FRZB: variants seen among roughly 807,000 people sequenced by gnomAD.
FRZB encodes the protein secreted frizzled-related protein 3.
A neutral mutation model predicts 32.5 loss-of-function variants in FRZB; 34 were observed. The observed-to-expected ratio is 1.05, with a 90% CI of 0.80 to 1.39. The LOEUF (loss-of-function observed/expected upper bound fraction) is 1.39. Among genes scored for constraint, FRZB ranks in the 40% most tolerant of loss-of-function variants. FRZB has a pLI of 0.00. For synonymous variants in FRZB, 170 were observed against 159.2 expected (o/e 1.07, Z -0.51); for missense variants, 423 against 424.8 (o/e 1.00, Z 0.04).
At chr2:182,836,976 A>T (rs978913979) in intron 5 of FRZB, among the ~76,000 whole-genome samples, 9 of 152,134 alleles carry the variant, frequency 5.9e-5, no homozygotes, top group African/African-American at 2.2e-4. Flanking sequence ...GATGTATAAG[A>T]TAAACCGCCC....
At chr2:182,862,773 CTT>C (rs10558108) in intron 1 of FRZB, among the ~76,000 whole-genome samples, 23,501 of 148,794 alleles carry the variant, frequency 0.16, 2,418 homozygotes, top group African/African-American at 0.3. Flanking sequence ...CTTTTCTTTT[CTT>C]TTTTTTTTTT....
intron 2 of FRZB, among the ~76,000 whole-genome samples, chr2:182,843,881 A>C (rs1286818941): frequency 6.6e-6 from 1 of 152,126 alleles, no homozygotes; most frequent in African/African-American, 2.4e-5. Flanking sequence ...CAGTGAGCCA[A>C]GCTCAAGCCA....
At chr2:182,847,401 A>C (rs1446282234) in intron 2 of FRZB, among the ~76,000 whole-genome samples, 1 of 152,174 alleles carries the variant, frequency 6.6e-6, no homozygotes, top group East Asian at 1.9e-4. Context: ...AGAGTGTGGA[A>C]TTGAAAAAGC....
At chr2:182,840,985 A>G (rs1695580007) in intron 3 of FRZB, among the ~76,000 whole-genome samples, 1 of 152,134 alleles carries the variant, frequency 6.6e-6, no homozygotes, top group Non-Finnish European at 1.5e-5. Flanking sequence ...TTAGTGTTAC[A>G]GTATATAAAA....
At chr2:182,858,225 G>A (rs1175075720) in intron 2 of FRZB, among the ~76,000 whole-genome samples, 3 of 152,166 alleles carry the variant, frequency 2.0e-5, no homozygotes, top group Non-Finnish European at 2.9e-5. Flanking sequence ...CTCTATTCGC[G>A]ATTGCTCCAA....
chr2:182,834,694 C>G lies in FRZB; in HGVS notation c.*155G>C. 1.5e-6 allele frequency: 1 copy of G among 648,808 alleles called. No individual in the cohort carries two copies. The highest frequency in any genetic ancestry group is 2.8e-6 in the Non-Finnish European group (1 of 357,284). 40.2% of individuals were successfully genotyped at this position (648,808 alleles called of 1,614,324 possible). On this transcript the variant is annotated 3_prime_UTR_variant, in exon 6 of 6. Coordinates refer to ENST00000295113, the MANE Select transcript of FRZB (RefSeq NM_001463.4). The stretch of plus-strand genomic sequence containing the variant: ...GGTTGAGAGAAGAGAGAAGCAGAAA[C>G]CAAAAGAGAAACAGAAGTAATAATC...
At chr2:182,844,126 TAGCAGC>T (rs1006892185) in intron 2 of FRZB, among the ~76,000 whole-genome samples, 25 of 152,212 alleles carry the variant, frequency 1.6e-4, no homozygotes, top group African/African-American at 5.8e-4. Context: ...TGGGGATAGG[TAGCAGC>T]AGCAACTGTT....
chr2:182,849,739 G>A (rs1031581656), intron 2 of FRZB, among the ~76,000 whole-genome samples: 24 of 152,246 alleles, frequency 1.6e-4, no homozygotes, highest in South Asian at 6.2e-4. Context: ...CAGAACTAAC[G>A]CTATATTAAT....
At chr2:182,856,191 T>A (rs938061013) in intron 2 of FRZB, among the ~76,000 whole-genome samples, 2 of 151,468 alleles carry the variant, frequency 1.3e-5, no homozygotes, top group Non-Finnish European at 2.9e-5. Flanking sequence ...AGAGAAAGAA[T>A]ACCAGAAGGA....
At chr2:182,854,007 G>C (rs1695739037) in intron 2 of FRZB, among the ~76,000 whole-genome samples, 1 of 152,096 alleles carries the variant, frequency 6.6e-6, no homozygotes. Context: ...GCTATACACA[G>C]CCTAATGAAA....
chr2:182,845,022 T>A lies in FRZB; in HGVS notation c.527-2479A>T, dbSNP rs528086204. On this transcript the variant is annotated intron_variant, in intron 2 of 5. Transcript: ENST00000295113. ...AAGTAGCTCGATAAAATAACAGTAA[T>A]AAGGAGAAGCTGAGTTTATATCCAC... 7.2e-5 allele frequency among the ~76,000 whole-genome samples: 11 copies of A among 152,234 alleles called. No individual in the cohort carries two copies. The East Asian group carries it at 2.1e-3, about 29-fold the overall frequency.
At chr2:182,836,550 G>T (rs1400637946) in intron 5 of FRZB, among the ~76,000 whole-genome samples, 2 of 152,066 alleles carry the variant, frequency 1.3e-5, no homozygotes, top group African/African-American at 2.4e-5. Flanking sequence ...ATGGGAAACA[G>T]GACAAACAAG....
intron 5 of FRZB, among the ~76,000 whole-genome samples, chr2:182,836,291 C>T (rs1695524944): frequency 6.6e-6 from 1 of 151,956 alleles, no homozygotes; most frequent in African/African-American, 2.4e-5. Flanking sequence ...TAACATCCTC[C>T]ATAAAACTCT....
intron 1 of FRZB, among the ~76,000 whole-genome samples, chr2:182,861,004 A>C (rs1695825944): frequency 6.6e-6 from 1 of 152,198 alleles, no homozygotes; most frequent in East Asian, 1.9e-4. Context: ...GGGCATGCTG[A>C]GACCGAGAGA....
At chr2:182,846,308 A>C (rs1465032720) in intron 2 of FRZB, among the ~76,000 whole-genome samples, 1 of 152,110 alleles carries the variant, frequency 6.6e-6, no homozygotes, top group Non-Finnish European at 1.5e-5. Context: ...TTTGAAATTG[A>C]ATGCTTTTGG....
rs1196394555 is a variant in FRZB at position 182,866,115 on chromosome 2, C to A, written c.438G>T (p.Val146=). The A allele has an allele frequency of 6.2e-7, 1 of 1,613,952 alleles. No individual in the cohort carries two copies. Among genetic ancestry groups the A allele is most frequent in the Non-Finnish European group, 8.5e-7 (1 of 1,179,892 alleles). ...TAACGATGGCCTCGGGAGAGATGCA[C>A]ACGCCCCTGTCGTACACTGGCAGCT... ...CEELPVYDRG[V]CISPEAIVTA... Residue 146 remains valine (V), a synonymous_variant, in exon 1 of 6, where the codon GTG becomes GTT. Transcript: ENST00000295113. The surrounding 1 kb of genome is among the most constrained non-coding windows in gnomAD (Gnocchi z 4.5).
At chr2:182,848,757 G>A (rs1459082522) in intron 2 of FRZB, among the ~76,000 whole-genome samples, 1 of 152,132 alleles carries the variant, frequency 6.6e-6, no homozygotes, top group Non-Finnish European at 1.5e-5. Context: ...ATAAAATGAT[G>A]CACAGAACTC....
At chr2:182,853,039 T>C (rs1323330580) in intron 2 of FRZB, among the ~76,000 whole-genome samples, 1 of 151,184 alleles carries the variant, frequency 6.6e-6, no homozygotes, top group Non-Finnish European at 1.5e-5. Context: ...CAACCTCAGC[T>C]GTTACATTTC....
chr2:182,847,161 G>GACA (rs2105756573), intron 2 of FRZB, among the ~76,000 whole-genome samples: 1 of 152,180 alleles, frequency 6.6e-6, no homozygotes, highest in East Asian at 1.9e-4. Context: ...TTTGTCACAT[G>GACA]TGATACATGA....
Sources: gnomAD v4.1 joint callset for allele counts (sites outside exome capture counted in the v4.1 genomes callset) on GRCh38, gnomAD v4.1.1 for gene constraint, Gnocchi (gnomAD v3.1) non-coding constraint, MANE v1.5 for transcripts, NCBI Gene and HGNC (gene_info 2026-07-23, HGNC 2026-07-21) for gene names.